Variants in TOP1 observed in about 807,000 individuals in gnomAD.
TOP1 encodes DNA topoisomerase 1.
Under a neutral mutation model 111.1 loss-of-function variants are expected in TOP1, and 10 were observed. The observed-to-expected ratio is 0.09, with a 90% confidence interval of 0.06 to 0.15. TOP1 has a LOEUF of 0.15. Among genes scored for constraint, TOP1 ranks in the 10% least tolerant of loss-of-function variants. The pLI is 1.00. For synonymous variants in TOP1, 271 were observed against 302.9 expected, an observed-to-expected ratio of 0.89 and a Z score of 1.10; for missense variants, 474 against 926.7, an observed-to-expected ratio of 0.51 and a Z score of 6.34.
In TOP1 at chr20:41,028,947, C is replaced by T. The variant is rs2033076247; in HGVS notation, c.-121C>T. On this transcript the variant is annotated 5_prime_UTR_variant, in exon 1 of 21. Coordinates refer to ENST00000361337, the MANE Select transcript of TOP1 (RefSeq NM_003286.4). ...TCTGGAGTCTCGGGCCCACAGTCAC[C>T]GCCGCTTACCTGCGCCTCCTCGAGC... The T allele has an allele frequency of 5.0e-6, 4 of 806,136 alleles. No homozygotes were observed. Among genetic ancestry groups the T allele is most frequent in the African/African-American group, 1.8e-5 (1 of 55,628 alleles). The allele number at this position is 806,136 out of a possible 1,614,324, so 49.9% of individuals were successfully genotyped here.
Position 41,100,277 on chromosome 20 carries a change from G to A in TOP1, c.1163+34G>A. 1 of 1,569,060 alleles carries A rather than the reference G, an allele frequency of 6.4e-7. No individual in the cohort carries two copies. Among genetic ancestry groups the A allele is most frequent in the South Asian group, 1.1e-5 (1 of 88,100 alleles). ...GCACTTCATCCTATGGGCCAAAAAG[G>A]GGGTGGAGGGCGTCCTTTATTGTAC... On this transcript the variant is annotated intron_variant, in intron 12 of 20. Coordinates refer to ENST00000361337, the MANE Select transcript of TOP1 (RefSeq NM_003286.4). This position sits in a 1 kb window ranked among gnomAD's most constrained non-coding sequence, Gnocchi z 4.4.
In TOP1 at chr20:41,100,909, T is replaced by C. The variant is rs952575293; in HGVS notation, c.1164-300T>C. 3 of 318,934 alleles carry C rather than the reference T, an allele frequency of 9.4e-6. No individual in the cohort carries two copies. The highest frequency in any genetic ancestry group is 4.2e-5 in the African/African-American group (2 of 48,054). The allele number at this position is 318,934 out of a possible 1,614,324, so 19.8% of individuals were successfully genotyped here. On this transcript the variant is annotated intron_variant, in intron 12 of 20. Transcript: ENST00000361337. The surrounding 1 kb of genome is among the most constrained non-coding windows in gnomAD (Gnocchi z 4.4). ...TGGGCAAGTGACATATACAGCATGG[T>C]ATGTTGTATATATGGTTCACGCATC...
At chr20:41,053,996 A>G (rs1451333006) in intron 2 of TOP1, among the ~76,000 whole-genome samples, 1 of 152,164 alleles carries the variant, frequency 6.6e-6, no homozygotes, top group Non-Finnish European at 1.5e-5. Context: ...ATTTTCAGAG[A>G]TGGTAAAATG....
chr20:41,090,895 A>C (rs1266013974), intron 8 of TOP1, among the ~76,000 whole-genome samples: 4 of 152,066 alleles, frequency 2.6e-5, no homozygotes, highest in Admixed American at 1.3e-4. Flanking sequence ...CTTTTCCCCT[A>C]TGTTGTCTTC....
rs2033165800 is a variant in TOP1 at position 41,034,916 on chromosome 20, G to A, written c.58+5461G>A. 1.3e-5 allele frequency among the ~76,000 whole-genome samples: 2 copies of A among 151,966 alleles called. No individual in the cohort carries two copies. The highest frequency in any genetic ancestry group is 2.9e-5 in the Non-Finnish European group (2 of 67,978). On this transcript the variant is annotated intron_variant, in intron 2 of 20. Coordinates refer to ENST00000361337, the MANE Select transcript of TOP1 (RefSeq NM_003286.4). The surrounding 1 kb of genome is among the most constrained non-coding windows in gnomAD (Gnocchi z 4.0). Reference sequence around the variant, plus strand: ...TTGGGCGGGGTGGGGGGCAGACAGGGTTTCTGTTTGTTGCCCGGGCTGGAG... The same window carrying A: ...TTGGGCGGGGTGGGGGGCAGACAGGATTTCTGTTTGTTGCCCGGGCTGGAG...
rs34731706 is a variant in TOP1, at chr20:41,033,347, C to CA, written c.58+3912dup. 6.7e-3 allele frequency among the ~76,000 whole-genome samples: 676 copies of CA among 100,804 alleles called. 4 individuals carry two copies. Among genetic ancestry groups the CA allele is most frequent in the Admixed American group, 9.9e-3 (98 of 9,888 alleles). The allele number at this position is 100,804 out of a possible 152,430, so 66.1% of individuals were successfully genotyped here. ...CAAATCTCATTTTAACCAATAGCAG[C>CA]AAAAAAAAAAAAAAAAAAAAGGAAT... On this transcript the variant is annotated intron_variant, in intron 2 of 20. Transcript: ENST00000361337.
At chr20:41,111,602 C>CT (rs1163578974) in intron 13 of TOP1, among the ~76,000 whole-genome samples, 9,197 of 117,078 alleles carry the variant, frequency 0.079, 440 homozygotes, top group Middle Eastern at 0.16. Context: ...CCCCCGCCCC[C>CT]TTTTTTTTTT....
rs946264843 is a variant in TOP1, at chr20:41,030,968, A to T, written c.58+1513A>T. On this transcript the variant is annotated intron_variant, in intron 2 of 20. Transcript: ENST00000361337. The surrounding 1 kb of genome is among the most constrained non-coding windows in gnomAD (Gnocchi z 4.1). ...CACTCCCTTGCTCTCAATTCAGTCT[A>T]TTGGGGGAGACATAATTAGTTAATT... Among the ~76,000 whole-genome samples the T allele has an allele frequency of 6.6e-6, 1 of 152,170 alleles. No homozygotes were observed. Among genetic ancestry groups the T allele is most frequent in the Non-Finnish European group, 1.5e-5 (1 of 68,028 alleles).
chr20:41,104,436 T>C (rs1256439573), intron 13 of TOP1, among the ~76,000 whole-genome samples: 1 of 152,210 alleles, frequency 6.6e-6, no homozygotes, highest in Non-Finnish European at 1.5e-5. Flanking sequence ...ACATAATGTA[T>C]GCTGAGTACT....
chr20:41,077,738 C>G (rs758978296), intron 5 of TOP1, 101 bp downstream of exon 5: 32 of 1,101,248 alleles, frequency 2.9e-5, no homozygotes, highest in Non-Finnish European at 4.2e-5. Flanking sequence ...ACCCACTGAC[C>G]TGGCCATCTT....
Position 41,029,401 on chromosome 20 carries a change from G to A in TOP1, c.34-30G>A, listed in dbSNP as rs2033086196. On this transcript the variant is annotated intron_variant, in intron 1 of 20. Coordinates refer to ENST00000361337, the MANE Select transcript of TOP1 (RefSeq NM_003286.4). This position sits in a 1 kb window ranked among gnomAD's most constrained non-coding sequence, Gnocchi z 6.1. ...CGCCGGAGGGGTTAAAGTGGCTGTT[G>A]TTTGATATTCTCTCCTTTTCTTTTT... The A allele has an allele frequency of 6.2e-6, 9 of 1,460,928 alleles. No homozygotes were observed. The highest frequency in any genetic ancestry group is 2.7e-5 in the East Asian group (1 of 36,988). The allele number at this position is 1,460,928 out of a possible 1,614,324, so 90.5% of individuals were successfully genotyped here. A position where few individuals can be genotyped will look rare whatever the true frequency, so the allele number is the denominator to read the frequency against.
chr20:41,111,583 C>G (rs1204567417), intron 13 of TOP1, among the ~76,000 whole-genome samples: 1 of 140,658 alleles, frequency 7.1e-6, no homozygotes, highest in African/African-American at 2.8e-5. Context: ...GGTTGCGCCC[C>G]CACCCCACCC....
At chr20:41,039,147 A>T (rs902069723) in intron 2 of TOP1, among the ~76,000 whole-genome samples, 2 of 152,212 alleles carry the variant, frequency 1.3e-5, no homozygotes, top group Non-Finnish European at 2.9e-5. Flanking sequence ...ATTCATACAA[A>T]CATTCAGAAA....
rs900905551 is a variant in TOP1, at chr20:41,046,205, T to C, written c.59-15189T>C. Among the ~76,000 whole-genome samples the C allele has an allele frequency of 6.6e-6, 1 of 152,252 alleles. No individual in the cohort carries two copies. Among genetic ancestry groups the C allele is most frequent in the Non-Finnish European group, 1.5e-5 (1 of 68,042 alleles). On this transcript the variant is annotated intron_variant, in intron 2 of 20. Coordinates refer to ENST00000361337, the MANE Select transcript of TOP1 (RefSeq NM_003286.4). The surrounding 1 kb of genome is among the most constrained non-coding windows in gnomAD (Gnocchi z 4.3). ...CTTAAGAATTCTAAGCTTTCATTTA[T>C]CAATCCTGAGGTAGTTAACATTACT...
At chr20:41,051,076 T>G (rs2033399744) in intron 2 of TOP1, among the ~76,000 whole-genome samples, 1 of 152,236 alleles carries the variant, frequency 6.6e-6, no homozygotes, top group Non-Finnish European at 1.5e-5. Flanking sequence ...TTCACTTTCC[T>G]TATGCGCTAG....
chr20:41,063,850 C>T (rs1377767236), intron 3 of TOP1, among the ~76,000 whole-genome samples: 6 of 151,924 alleles, frequency 3.9e-5, no homozygotes, highest in East Asian at 3.9e-4. Context: ...ACCTGTTAGA[C>T]GCATAGTTAG....
At chr20:41,105,913 A>G (rs1395172246) in intron 13 of TOP1, among the ~76,000 whole-genome samples, 1 of 152,168 alleles carries the variant, frequency 6.6e-6, no homozygotes, top group African/African-American at 2.4e-5. Context: ...TATACATTAG[A>G]TATTTCCAAA....
At chr20:41,051,648 A>C (rs1005869779) in intron 2 of TOP1, among the ~76,000 whole-genome samples, 1 of 152,136 alleles carries the variant, frequency 6.6e-6, no homozygotes, top group Non-Finnish European at 1.5e-5. Flanking sequence ...TAAGTTCGTT[A>C]GGCTTCCGGG....
At chr20:41,057,123 G>A (rs561780939) in intron 2 of TOP1, among the ~76,000 whole-genome samples, 4 of 152,094 alleles carry the variant, frequency 2.6e-5, no homozygotes, top group Admixed American at 1.3e-4. Flanking sequence ...AAAATTAGCC[G>A]GGCATGGCGG....
Sources: allele counts gnomAD v4.1 joint callset (sites outside exome capture counted in the v4.1 genomes callset), GRCh38; gene constraint gnomAD v4.1.1; non-coding constraint Gnocchi (gnomAD v3.1); transcripts MANE v1.5; gene names NCBI Gene and HGNC (gene_info 2026-07-23, HGNC 2026-07-21).